The following PDE4D variants were observed in gnomAD, a reference collection of about 807,000 sequenced individuals.
The protein encoded by PDE4D is phosphodiesterase 4D.
In PDE4D, 24 loss-of-function variants were observed where a neutral mutation model predicts 87.4. The ratio of observed to expected loss-of-function variants is 0.27; its 90% CI spans 0.20 to 0.39. The LOEUF (loss-of-function observed/expected upper bound fraction) is 0.39. Among genes scored for constraint, PDE4D ranks in the 10% least tolerant of loss-of-function variants. The probability of loss-of-function intolerance (pLI) is 1.00; values close to 1 mark genes in which losing one functional copy is unlikely to be tolerated. For synonymous variants in PDE4D, 384 were observed against 383.2 expected, an observed-to-expected ratio of 1.00 and a Z score of -0.02; for missense variants, 714 against 1,041.0, an observed-to-expected ratio of 0.69 and a Z score of 4.32.
intron 1 of PDE4D, chr5:60,460,216 C>A: frequency 6.9e-7 from 1 of 1,447,438 alleles, no homozygotes; most frequent in East Asian, 2.3e-5. Flanking sequence ...CAAATCCTTT[C>A]CAGATTTCCA....
intron 1 of PDE4D, among the ~76,000 whole-genome samples, chr5:59,825,898 C>G (rs906583398): frequency 1.3e-5 from 2 of 152,126 alleles, no homozygotes; most frequent in African/African-American, 2.4e-5. Context: ...ATTGAGCCTT[C>G]CTTCTCACCC....
chr5:59,731,270 C>T lies in PDE4D; in HGVS notation c.455+161898G>A, dbSNP rs940883940. ...ATCCTTGTTTCCCTGATACAGACAC[C>T]ATCCCTTCCTACTTCCTTTCCATTT... On this transcript the variant is annotated intron_variant, in intron 1 of 14. Transcript: ENST00000340635. Among the ~76,000 whole-genome samples, 11 of 152,152 alleles carry T rather than the reference C, an allele frequency of 7.2e-5. No homozygotes were observed. The East Asian group carries it at 2.1e-3, about 29-fold the overall frequency.
intron 1 of PDE4D, among the ~76,000 whole-genome samples, chr5:59,741,193 C>T (rs1232636849): frequency 6.6e-6 from 1 of 152,158 alleles, no homozygotes; most frequent in Non-Finnish European, 1.5e-5. Flanking sequence ...CTATGTCCCA[C>T]ATTTTCCTAA....
intron 2 of PDE4D, among the ~76,000 whole-genome samples, chr5:60,180,258 T>A (rs956123483): frequency 6.6e-6 from 1 of 152,212 alleles, no homozygotes; most frequent in African/African-American, 2.4e-5. Flanking sequence ...ATTCTCACAT[T>A]TATTTATACT....
intron 3 of PDE4D, among the ~76,000 whole-genome samples, chr5:59,907,131 GA>G (rs1260537209): frequency 1.3e-5 from 2 of 152,226 alleles, no homozygotes; most frequent in African/African-American, 4.8e-5. Context: ...CGCAGGAACA[GA>G]AAACCGAATA....
At chr5:59,932,166 C>T (rs759395347) in intron 3 of PDE4D, among the ~76,000 whole-genome samples, 4 of 152,120 alleles carry the variant, frequency 2.6e-5, no homozygotes, top group East Asian at 1.9e-4. Context: ...ATAGCCATCA[C>T]GACTTTTATG....
At chr5:59,995,142 A>G (rs1763401143) in intron 2 of PDE4D, among the ~76,000 whole-genome samples, 1 of 152,104 alleles carries the variant, frequency 6.6e-6, no homozygotes, top group Non-Finnish European at 1.5e-5. Flanking sequence ...TGTTGCAGAC[A>G]AAAAAAGATG....
chr5:60,238,380 G>T (rs2149648758), intron 1 of PDE4D, among the ~76,000 whole-genome samples: 1 of 151,886 alleles, frequency 6.6e-6, no homozygotes, highest in South Asian at 2.1e-4. Flanking sequence ...ACATCCTTGT[G>T]CATGTCCCCT....
chr5:59,559,722 A>T (rs1225901096), intron 1 of PDE4D, among the ~76,000 whole-genome samples: 1 of 152,178 alleles, frequency 6.6e-6, no homozygotes, highest in African/African-American at 2.4e-5. Context: ...ATTAAAAAAA[A>T]ATGTTTTCCT....
intron 1 of PDE4D, among the ~76,000 whole-genome samples, chr5:59,723,120 A>T (rs958161721): frequency 2.0e-5 from 3 of 152,060 alleles, no homozygotes; most frequent in Non-Finnish European, 2.9e-5. Context: ...TTCATCCCTC[A>T]TATTCAGGTC....
At chr5:59,392,041 C>T (rs934715300) in intron 1 of PDE4D, among the ~76,000 whole-genome samples, 2 of 150,456 alleles carry the variant, frequency 1.3e-5, no homozygotes, top group East Asian at 1.9e-4. Flanking sequence ...GAATTTTTGT[C>T]TGTTTCATTC....
chr5:60,183,922 TTTAA>T (rs1317525913), intron 2 of PDE4D, among the ~76,000 whole-genome samples: 1 of 152,182 alleles, frequency 6.6e-6, no homozygotes, highest in Non-Finnish European at 1.5e-5. Context: ...CTTAGAGTCA[TTTAA>T]TTAAGTGGAA....
At chr5:59,531,339 T>A (rs1254453706) in intron 1 of PDE4D, among the ~76,000 whole-genome samples, 1 of 152,236 alleles carries the variant, frequency 6.6e-6, no homozygotes, top group Non-Finnish European at 1.5e-5. Context: ...ATTGCATCCC[T>A]ACTGATAACT....
intron 2 of PDE4D, among the ~76,000 whole-genome samples, chr5:60,156,944 A>C (rs1782029825): frequency 6.6e-6 from 1 of 152,138 alleles, no homozygotes; most frequent in African/African-American, 2.4e-5. Flanking sequence ...AACTTCTTTC[A>C]CTACAATAAA....
intron 1 of PDE4D, among the ~76,000 whole-genome samples, chr5:59,334,108 T>C (rs1409587712): frequency 6.6e-6 from 1 of 152,058 alleles, no homozygotes; most frequent in Non-Finnish European, 1.5e-5. Flanking sequence ...ACAATCATTA[T>C]ATCTCTGAGT....
intron 1 of PDE4D, among the ~76,000 whole-genome samples, chr5:59,424,764 G>A (rs1203858315): frequency 2.0e-5 from 3 of 152,156 alleles, no homozygotes; most frequent in Non-Finnish European, 4.4e-5. Flanking sequence ...TGGGGACACA[G>A]CCAAACCATA....
At chr5:60,460,223 T>C (rs1746817855) in intron 1 of PDE4D, 1 of 1,419,426 alleles carries the variant, frequency 7.0e-7, no homozygotes, top group African/African-American at 1.4e-5. Flanking sequence ...TTTCCAGATT[T>C]CCATTTCATT....
At chr5:59,033,766 A>T (rs1717100776) in intron 6 of PDE4D, among the ~76,000 whole-genome samples, 4 of 152,188 alleles carry the variant, frequency 2.6e-5, no homozygotes. Flanking sequence ...GAAAACGTAG[A>T]CAGTTCATAA....
At chr5:59,210,633 G>A (rs1273198465) in intron 2 of PDE4D, among the ~76,000 whole-genome samples, 1 of 152,152 alleles carries the variant, frequency 6.6e-6, no homozygotes, top group Non-Finnish European at 1.5e-5. Context: ...AGCTTTTTAT[G>A]GTATATCAAA....
Sources: allele counts gnomAD v4.1 joint callset (sites outside exome capture counted in the v4.1 genomes callset), GRCh38; gene constraint gnomAD v4.1.1; transcripts MANE v1.5; gene names NCBI Gene and HGNC (gene_info 2026-07-23, HGNC 2026-07-21).